MED15: variants seen among roughly 807,000 people sequenced by gnomAD.
MED15 encodes mediator complex subunit 15.
A neutral mutation model predicts 118.7 loss-of-function variants in MED15; 41 were observed. The ratio of observed to expected loss-of-function variants is 0.35; its 90% CI spans 0.27 to 0.45. MED15 has a LOEUF of 0.45. Among genes scored for constraint, MED15 ranks in the 20% least tolerant of loss-of-function variants. MED15 has a pLI of 1.00. For missense variants in MED15, 740 were observed against 1,025.5 expected (o/e 0.72, Z 3.80); for synonymous variants, 436 against 413.9 (o/e 1.05, Z -0.65).
chr22:20,584,520 G>A, intron 14 of MED15, 95 bp downstream of exon 14: 2 of 1,417,870 alleles, frequency 1.4e-6, no homozygotes, highest in Non-Finnish European at 2.0e-6. Context: ...AGGGCATCTG[G>A]GCGGGGGCCG....
intron 1 of MED15, among the ~76,000 whole-genome samples, chr22:20,517,744 T>A (rs182488938): frequency 6.6e-6 from 1 of 152,322 alleles, no homozygotes; most frequent in East Asian, 1.9e-4. Context: ...TCAGCTGCTA[T>A]GGTGATGGGG....
intron 2 of MED15, among the ~76,000 whole-genome samples, chr22:20,541,482 A>G (rs2055308785): frequency 6.6e-6 from 1 of 152,082 alleles, no homozygotes; most frequent in South Asian, 2.1e-4. Flanking sequence ...GATGTAGAGA[A>G]ATTGGAATTC....
chr22:20,587,000 C>A lies in MED15; in HGVS notation c.*296C>A, dbSNP rs186187578. The A allele has an allele frequency of 2.1e-6, 1 of 477,860 alleles. No individual in the cohort carries two copies. Among genetic ancestry groups the A allele is most frequent in the Non-Finnish European group, 3.8e-6 (1 of 262,142 alleles). The allele number at this position is 477,860 out of a possible 1,614,324, so 29.6% of individuals were successfully genotyped here. On this transcript the variant is annotated 3_prime_UTR_variant, in exon 18 of 18. Transcript: ENST00000263205. ...GGCTGCTCTCACCGTGGCCTGTCCA[C>A]GGTCCAGGTCCATCTCAGCAGCGTG...
In MED15 at chr22:20,574,787, C is replaced by T. The variant is rs144722293; in HGVS notation, c.1153-326C>T. The T allele has an allele frequency of 1.8e-3, 444 of 248,718 alleles. 2 individuals carry two copies. Among genetic ancestry groups the T allele is most frequent in the African/African-American group, 9.1e-3 (414 of 45,690 alleles). 15.4% of individuals were successfully genotyped at this position (248,718 alleles called of 1,614,324 possible). A position where few individuals can be genotyped will look rare whatever the true frequency, so the allele number is the denominator to read the frequency against. ...CCCTCAAGGTCTGGCTCTGATGGTT[C>T]TGTGGGCTATAGGATTCTGATCTGT... is the stretch of plus-strand genomic sequence containing the variant. On this transcript the variant is annotated intron_variant, in intron 8 of 17. Transcript: ENST00000263205.
At chr22:20,551,706 G>A (rs973058479) in intron 3 of MED15, 3 of 594,864 alleles carry the variant, frequency 5.0e-6, no homozygotes, top group Non-Finnish European at 9.0e-6. Flanking sequence ...CTAGCATCAT[G>A]GAAATGCTGT....
chr22:20,508,809 C>G (rs923793828), intron 1 of MED15, among the ~76,000 whole-genome samples: 3 of 152,150 alleles, frequency 2.0e-5, no homozygotes, highest in Non-Finnish European at 2.9e-5. Flanking sequence ...GATGCGATGG[C>G]CTGGCCTGGG....
chr22:20,544,403 C>A (rs77600285), intron 2 of MED15, among the ~76,000 whole-genome samples: 1 of 152,166 alleles, frequency 6.6e-6, no homozygotes, highest in African/African-American at 2.4e-5. Flanking sequence ...CGGTGGCTCA[C>A]GCCTGTAATC....
Position 20,582,423 on chromosome 22 carries a change from G to C in MED15, c.1273-188G>C. ...CTGGGCCCCCCCCGCCAGCCCCTTG[G>C]TCACCTCATGCTGTGTGCCAGGCTG... On this transcript the variant is annotated intron_variant, in intron 9 of 17. Coordinates refer to ENST00000263205, the MANE Select transcript of MED15 (RefSeq NM_001003891.3). The C allele has an allele frequency of 3.3e-6, 3 of 912,922 alleles. 1 individual carries two copies. The allele number at this position is 912,922 out of a possible 1,614,324, so 56.6% of individuals were successfully genotyped here.
rs187471461 is a variant in MED15 at position 20,544,404 on chromosome 22, G to A, written c.157-7032G>A. Among the ~76,000 whole-genome samples the A allele has an allele frequency of 3.9e-5, 6 of 152,286 alleles. No homozygotes were observed. In the East Asian group the frequency reaches 7.7e-4, roughly 20 times the overall value. Reference sequence around the variant, plus strand: ...ATTTAGGCCGGGTGCGGTGGCTCACGCCTGTAATCCCAGCACTTTGGGAGG... The same window carrying A: ...ATTTAGGCCGGGTGCGGTGGCTCACACCTGTAATCCCAGCACTTTGGGAGG... On this transcript the variant is annotated intron_variant, in intron 2 of 17. Transcript: ENST00000263205.
chr22:20,551,644 T>G, intron 3 of MED15, 157 bp downstream of exon 3: 1 of 720,466 alleles, frequency 1.4e-6, no homozygotes. Flanking sequence ...GCCTTGCATT[T>G]GACTCCAGAT....
chr22:20,586,420 G>A (rs1045716197), intron 17 of MED15, 148 bp from the exon 18 acceptor site: 72 of 1,187,160 alleles, frequency 6.1e-5, no homozygotes, highest in Non-Finnish European at 8.5e-5. Flanking sequence ...TGGGAGGAGA[G>A]CCCAAAGGCC....
At chr22:20,551,565 C>T in intron 3 of MED15, 78 bp downstream of exon 3, 1 of 1,392,556 alleles carries the variant, frequency 7.2e-7, no homozygotes, top group Non-Finnish European at 1.0e-6. Flanking sequence ...GCAGAGCTTT[C>T]TGGGCAGGCC....
chr22:20,532,146 G>A (rs955784323), intron 1 of MED15, among the ~76,000 whole-genome samples: 3 of 152,242 alleles, frequency 2.0e-5, no homozygotes, highest in African/African-American at 7.2e-5. Context: ...GAGGGCGTGG[G>A]GGTAGGAATG....
At chr22:20,537,085 G>A in intron 1 of MED15, 32 bp from the exon 2 acceptor site, 1 of 1,603,190 alleles carries the variant, frequency 6.2e-7, no homozygotes, top group East Asian at 2.2e-5. Flanking sequence ...TCACTGGTGT[G>A]TGCAAACGTC....
At chr22:20,563,415 G>A (rs925341223) in intron 5 of MED15, among the ~76,000 whole-genome samples, 5 of 152,152 alleles carry the variant, frequency 3.3e-5, no homozygotes, top group Non-Finnish European at 7.3e-5. Context: ...ATCCCAAAAA[G>A]GTTCATACTG....
rs536905812 is a variant in MED15, at chr22:20,517,106, T to TA, written c.68+9360_68+9361insA. Among the ~76,000 whole-genome samples the TA allele has an allele frequency of 4.6e-4, 70 of 151,672 alleles. No homozygotes were observed. In the South Asian group the frequency reaches 0.014, roughly 31 times the overall value. On this transcript the variant is annotated intron_variant, in intron 1 of 17. Coordinates refer to ENST00000263205, the MANE Select transcript of MED15 (RefSeq NM_001003891.3). ...CACCATGCTGGCTAATTTTCTTATT[T>TA]TTTTTTTTTTTGGTAGAGACCAGGT...
At chr22:20,584,624 C>T (rs750558357) in intron 14 of MED15, 199 bp downstream of exon 14, 14 of 805,916 alleles carry the variant, frequency 1.7e-5, no homozygotes, top group African/African-American at 1.2e-4. Flanking sequence ...CTACGGCCCC[C>T]GTGGGTGCCT....
At chr22:20,543,827 G>A (rs1451368137) in intron 2 of MED15, among the ~76,000 whole-genome samples, 1 of 152,142 alleles carries the variant, frequency 6.6e-6, no homozygotes, top group Non-Finnish European at 1.5e-5. Flanking sequence ...CAAAGTGCTG[G>A]GATTATAGGC....
At position 20,586,757 on chromosome 22, in the gene MED15, C is replaced by T; in HGVS notation, c.*53C>T. The T allele has an allele frequency of 6.2e-7, 1 of 1,600,694 alleles. No individual in the cohort carries two copies. Among genetic ancestry groups the T allele is most frequent in the East Asian group, 2.2e-5 (1 of 44,722 alleles). On this transcript the variant is annotated 3_prime_UTR_variant, in exon 18 of 18. Transcript: ENST00000263205. ...TCATCGGGGCCAAGGACACACGCCT[C>T]CTGTCAGACACTTCTAGGTGTTGGC...
Sources: allele counts gnomAD v4.1 joint callset (sites outside exome capture counted in the v4.1 genomes callset), GRCh38; gene constraint gnomAD v4.1.1; transcripts MANE v1.5; gene names NCBI Gene and HGNC (gene_info 2026-07-23, HGNC 2026-07-21).